Variants in CEP120 observed in about 807,000 individuals in gnomAD.
The protein encoded by CEP120 is centrosomal protein 120.
CEP120 carries 113 observed loss-of-function variants against 126.5 expected under a neutral mutation model. The observed-to-expected ratio is 0.89, with a 90% CI of 0.77 to 1.04. The LOEUF (loss-of-function observed/expected upper bound fraction) is 1.04, where lower values mean the gene tolerates loss of function less well. Ranked by LOEUF, CEP120 falls within the 50% of genes least tolerant of loss-of-function variation. CEP120 has a pLI of 0.00. For synonymous variants in CEP120, 400 were observed against 394.3 expected (o/e 1.01, Z -0.17); for missense variants, 1,230 against 1,155.7 (o/e 1.06, Z -0.93).
Position 123,370,750 on chromosome 5 carries a change from A to ATATATATTTTATATATATAT in CEP120, c.2481+1880_2481+1899dup, listed in dbSNP as rs1460697557. Reference sequence around the variant, plus strand: ...ACACATATATAATGTATGTATTATAATATATATTTTATATATATATTATAT... The same window carrying ATATATATTTTATATATATAT: ...ACACATATATAATGTATGTATTATAATATATATTTTATATATATATTATATATTTTATATATATATTATAT... On this transcript the variant is annotated intron_variant, in intron 17 of 19. Transcript: ENST00000306467. Among the ~76,000 whole-genome samples the ATATATATTTTATATATATAT allele has an allele frequency of 5.8e-3, 864 of 147,746 alleles. 6 individuals are homozygous for ATATATATTTTATATATATAT. Among genetic ancestry groups the ATATATATTTTATATATATAT allele is most frequent in the African/African-American group, 0.02 (806 of 40,584 alleles).
At chr5:123,417,873 C>T (rs535083227) in intron 2 of CEP120, among the ~76,000 whole-genome samples, 10 of 151,916 alleles carry the variant, frequency 6.6e-5, no homozygotes, top group African/African-American at 2.4e-4. Flanking sequence ...ATAATATGGG[C>T]GAAATAAAAA....
At chr5:123,359,374 A>T (rs1769898066) in intron 18 of CEP120, among the ~76,000 whole-genome samples, 1 of 152,052 alleles carries the variant, frequency 6.6e-6, no homozygotes, top group African/African-American at 2.4e-5. Flanking sequence ...TTTATTTTTT[A>T]AAAAGTAGGT....
chr5:123,423,313 C>T lies in CEP120; in HGVS notation c.-315G>A. ...CGCCTGCGTAGCCGCTTTTCAAACG[C>T]CCGGGCGGCCGCAGCGGCCGCCGCC... On this transcript the variant is annotated 5_prime_UTR_variant, in exon 1 of 20. Transcript: ENST00000306467. 2.6e-6 allele frequency: 1 copy of T among 385,432 alleles called. No homozygotes were observed. 23.9% of individuals were successfully genotyped at this position (385,432 alleles called of 1,614,324 possible). A position where few individuals can be genotyped will look rare whatever the true frequency, so the allele number is the denominator to read the frequency against.
intron 18 of CEP120, among the ~76,000 whole-genome samples, chr5:123,363,812 A>T (rs930516705): frequency 6.6e-6 from 1 of 151,612 alleles, no homozygotes; most frequent in Non-Finnish European, 1.5e-5. Flanking sequence ...TAAAACTGAC[A>T]CATTAAAGAA....
chr5:123,358,925 C>T (rs768734727), intron 18 of CEP120, among the ~76,000 whole-genome samples: 1 of 152,040 alleles, frequency 6.6e-6, no homozygotes, highest in African/African-American at 2.4e-5. Context: ...AAAAAACTTA[C>T]AACTAAACTA....
At chr5:123,418,302 A>G in intron 2 of CEP120, 57 bp downstream of exon 2, 2 of 1,458,742 alleles carry the variant, frequency 1.4e-6, no homozygotes, top group Non-Finnish European at 1.9e-6. Flanking sequence ...GTATTTATTT[A>G]TAACAGCCTG....
intron 18 of CEP120, among the ~76,000 whole-genome samples, chr5:123,358,866 G>T (rs1015085321): frequency 1.3e-5 from 2 of 151,980 alleles, no homozygotes; most frequent in African/African-American, 4.8e-5. Flanking sequence ...CGGCTAAAAA[G>T]TGGCCACTAC....
intron 11 of CEP120, among the ~76,000 whole-genome samples, chr5:123,383,621 C>A (rs1172265723): frequency 1.3e-5 from 2 of 151,924 alleles, no homozygotes; most frequent in Admixed American, 6.6e-5. Flanking sequence ...ATTCTGAATT[C>A]TTTTTTCTAC....
chr5:123,390,480 CAT>C (rs1195980630), intron 7 of CEP120: 5 of 345,080 alleles, frequency 1.4e-5, no homozygotes, highest in African/African-American at 4.2e-5. Flanking sequence ...AGAAAAAACA[CAT>C]GTCTAGTATG....
At chr5:123,421,657 C>T (rs1774724263) in intron 1 of CEP120, among the ~76,000 whole-genome samples, 1 of 140,594 alleles carries the variant, frequency 7.1e-6, no homozygotes, top group African/African-American at 2.6e-5. Context: ...AATATTATAC[C>T]CCAACATATT....
At chr5:123,389,460 A>G (rs1772244172) in intron 8 of CEP120, among the ~76,000 whole-genome samples, 1 of 152,172 alleles carries the variant, frequency 6.6e-6, no homozygotes. Flanking sequence ...ATAGATTGCA[A>G]TGACTTTGCA....
chr5:123,420,496 C>T (rs1774648038), intron 1 of CEP120, among the ~76,000 whole-genome samples: 1 of 152,190 alleles, frequency 6.6e-6, no homozygotes, highest in African/African-American at 2.4e-5. Context: ...GAGTCCTCCA[C>T]CAAGCCAAAG....
chr5:123,419,911 T>C (rs1774613902), intron 1 of CEP120, among the ~76,000 whole-genome samples: 1 of 152,202 alleles, frequency 6.6e-6, no homozygotes, highest in Admixed American at 6.5e-5. Flanking sequence ...CTAGTTCTCT[T>C]GTTTATAAAT....
Position 123,423,232 on chromosome 5 carries a change from C to G in CEP120, c.-234G>C, listed in dbSNP as rs1219968591. On this transcript the variant is annotated 5_prime_UTR_variant, in exon 1 of 20. Transcript: ENST00000306467. Reference sequence around the variant, plus strand: ...GCCCCGACTCAAGGAAAAAGCCACGCTGCAGCCCTGCCAGTCTGCAAGCAG... The same window carrying G: ...GCCCCGACTCAAGGAAAAAGCCACGGTGCAGCCCTGCCAGTCTGCAAGCAG... 1 of 550,450 alleles carries G rather than the reference C, an allele frequency of 1.8e-6. No individual in the cohort carries two copies. Among genetic ancestry groups the G allele is most frequent in the East Asian group, 3.0e-5 (1 of 33,340 alleles). 34.1% of individuals were successfully genotyped at this position (550,450 alleles called of 1,614,324 possible).
chr5:123,387,430 A>C (rs950475741), intron 9 of CEP120, among the ~76,000 whole-genome samples: 42 of 152,232 alleles, frequency 2.8e-4, no homozygotes, highest in African/African-American at 9.6e-4. Context: ...TTAGTGATTA[A>C]AAGAAAAATA....
chr5:123,422,682 G>A, intron 1 of CEP120: 2 of 818,152 alleles, frequency 2.4e-6, no homozygotes, highest in Non-Finnish European at 3.9e-6. Flanking sequence ...TCGACGTGCT[G>A]CTTTGGATGA....
intron 14 of CEP120, among the ~76,000 whole-genome samples, chr5:123,381,783 T>TG (rs1038089582): frequency 2.6e-5 from 4 of 151,738 alleles, no homozygotes; most frequent in East Asian, 1.9e-4. Context: ...TTTTAAGAGA[T>TG]GGGGGTCTCA....
chr5:123,381,767 AT>A (rs34626784), intron 14 of CEP120, among the ~76,000 whole-genome samples: 62,021 of 150,364 alleles, frequency 0.41, 12,722 homozygotes, highest in East Asian at 0.48. Context: ...ACACACACAT[AT>A]TTTTTTTTAA....
rs749949328 is a variant in CEP120, at chr5:123,378,440, T to TTA, written c.2104-13_2104-12insTA. 4.1e-4 allele frequency: 433 copies of TTA among 1,064,098 alleles called. 3 individuals are homozygous for TTA. In the African/African-American group the frequency reaches 8.4e-3, roughly 21 times the overall value. The allele number at this position is 1,064,098 out of a possible 1,614,324, so 65.9% of individuals were successfully genotyped here. A position where few individuals can be genotyped will look rare whatever the true frequency, so the allele number is the denominator to read the frequency against. On this transcript the variant is annotated splice_polypyrimidine_tract_variant and intron_variant, in intron 14 of 19. Coordinates refer to ENST00000306467, the MANE Select transcript of CEP120 (RefSeq NM_001375405.1). ...GTATATTCAGCCACCTAAAATATAG[T>TTA]AAAAAAAAAAAAAAAAAAGTTACCT...
Sources: allele counts gnomAD v4.1 joint callset (sites outside exome capture counted in the v4.1 genomes callset), GRCh38; gene constraint gnomAD v4.1.1; transcripts MANE v1.5; gene names NCBI Gene and HGNC (gene_info 2026-07-23, HGNC 2026-07-21).